NUDCD3: variants seen among roughly 807,000 people sequenced by gnomAD.
NUDCD3 encodes NudC domain containing 3.
NUDCD3 carries 13 observed loss-of-function variants against 39.7 expected under a neutral mutation model. That is an observed-to-expected ratio of 0.33 (90% CI 0.21 to 0.52). The LOEUF (loss-of-function observed/expected upper bound fraction) is 0.52, where lower values mean the gene tolerates loss of function less well. NUDCD3 is among the 20% of genes least tolerant of loss of function. The probability of loss-of-function intolerance (pLI) is 0.96; values close to 1 mark genes in which losing one functional copy is unlikely to be tolerated. For missense variants in NUDCD3, 453 were observed against 458.1 expected, an observed-to-expected ratio of 0.99 and a Z score of 0.10; for synonymous variants, 175 against 172.4, an observed-to-expected ratio of 1.02 and a Z score of -0.12.
chr7:44,462,945 C>CCG (rs1281595378), intron 2 of NUDCD3, among the ~76,000 whole-genome samples: 1 of 146,684 alleles, frequency 6.8e-6, no homozygotes, highest in South Asian at 2.2e-4. Flanking sequence ...CACAACCAGG[C>CCG]TGTGTGTGTG....
In NUDCD3 at chr7:44,385,687, A is replaced by G; in HGVS notation, c.*324T>C. On this transcript the variant is annotated 3_prime_UTR_variant, in exon 6 of 6. Transcript: ENST00000355451. Reference sequence around the variant, plus strand: ...AACAACAGCAAGCAGAGAGCAGGGGAGGAAAGACATGCTGCCTGCAGTGGC... The same window carrying G: ...AACAACAGCAAGCAGAGAGCAGGGGGGGAAAGACATGCTGCCTGCAGTGGC... 1 of 341,378 alleles carries G rather than the reference A, an allele frequency of 2.9e-6. No individual in the cohort carries two copies. The highest frequency in any genetic ancestry group is 5.4e-6 in the Non-Finnish European group (1 of 185,868). The allele number at this position is 341,378 out of a possible 1,614,324, so 21.1% of individuals were successfully genotyped here.
chr7:44,397,055 C>T (rs1379528875), intron 4 of NUDCD3, among the ~76,000 whole-genome samples: 1 of 152,180 alleles, frequency 6.6e-6, no homozygotes, highest in Non-Finnish European at 1.5e-5. Context: ...CCATGAGCTA[C>T]TGCTACAATC....
At chr7:44,427,328 C>T (rs1273668794) in intron 3 of NUDCD3, among the ~76,000 whole-genome samples, 1 of 152,172 alleles carries the variant, frequency 6.6e-6, no homozygotes, top group Non-Finnish European at 1.5e-5. Flanking sequence ...TCTCAGGAAG[C>T]AGTGTGAACA....
chr7:44,431,259 G>A (rs1477044632), intron 2 of NUDCD3, among the ~76,000 whole-genome samples: 1 of 152,148 alleles, frequency 6.6e-6, no homozygotes, highest in Non-Finnish European at 1.5e-5. Context: ...GGTGGGAGTA[G>A]GAAAGTGAGT....
At chr7:44,450,312 G>A (rs939470452) in intron 2 of NUDCD3, among the ~76,000 whole-genome samples, 1 of 151,910 alleles carries the variant, frequency 6.6e-6, no homozygotes, top group African/African-American at 2.4e-5. Context: ...CCAGTAGCAG[G>A]CTCATAGGCA....
At chr7:44,479,129 G>A (rs1338496413) in intron 2 of NUDCD3, among the ~76,000 whole-genome samples, 1 of 152,062 alleles carries the variant, frequency 6.6e-6, no homozygotes, top group African/African-American at 2.4e-5. Context: ...GGATATAACT[G>A]CCCCCATGAT....
intron 2 of NUDCD3, chr7:44,467,817 TA>T (rs762134645): frequency 0.25 from 198,030 of 792,918 alleles, 2,084 homozygotes; most frequent in Non-Finnish European, 0.27. Flanking sequence ...AAGACCTCAG[TA>T]AAAAAAAAAA....
At chr7:44,393,079 G>C (rs1168431021) in intron 4 of NUDCD3, among the ~76,000 whole-genome samples, 1 of 152,012 alleles carries the variant, frequency 6.6e-6, no homozygotes, top group Admixed American at 6.5e-5. Context: ...CCCATGACAG[G>C]GCACCATGCC....
intron 4 of NUDCD3, among the ~76,000 whole-genome samples, chr7:44,401,766 A>C (rs1798731518): frequency 6.6e-6 from 1 of 152,146 alleles, no homozygotes. Flanking sequence ...GTTTCATGAA[A>C]GCTAACTAAA....
chr7:44,397,890 T>C (rs1471422217), intron 4 of NUDCD3, among the ~76,000 whole-genome samples: 1 of 152,046 alleles, frequency 6.6e-6, no homozygotes, highest in African/African-American at 2.4e-5. Context: ...ATCTTGGGGG[T>C]CCTGTCCTCT....
chr7:44,388,018 A>G (rs1425935126), intron 5 of NUDCD3, among the ~76,000 whole-genome samples: 1 of 152,220 alleles, frequency 6.6e-6, no homozygotes, highest in Non-Finnish European at 1.5e-5. Context: ...TAAAAAATTA[A>G]ATTAGGGAAA....
chr7:44,430,554 C>CCACACACACA (rs748912083), intron 2 of NUDCD3, among the ~76,000 whole-genome samples: 381 of 140,852 alleles, frequency 2.7e-3, no homozygotes, highest in African/African-American at 5.1e-3. Context: ...AATAAAATAC[C>CCACACACACA]CACACACACA....
At position 44,490,620 on chromosome 7, in the gene NUDCD3, A is replaced by T; in HGVS notation, c.-20T>A. On this transcript the variant is annotated 5_prime_UTR_variant, in exon 1 of 6. Coordinates refer to ENST00000355451, the MANE Select transcript of NUDCD3 (RefSeq NM_015332.4). ...CTCCATGTCGCCTCCCGCCCTAGGT[A>T]CGCTTCACACACACAGCGCCGCCTC... is the stretch of plus-strand genomic sequence containing the variant. 3.1e-6 allele frequency: 5 copies of T among 1,587,652 alleles called. No individual in the cohort carries two copies. Among genetic ancestry groups the T allele is most frequent in the Non-Finnish European group, 4.3e-6 (5 of 1,167,626 alleles).
At chr7:44,477,822 CTT>C (rs938640330) in intron 2 of NUDCD3, among the ~76,000 whole-genome samples, 65 of 94,136 alleles carry the variant, frequency 6.9e-4, no homozygotes, top group Middle Eastern at 6.2e-3. Context: ...ATGAACAATT[CTT>C]TTTTTTTTTT....
chr7:44,468,368 AAAG>A (rs1585100143), intron 2 of NUDCD3: 2 of 1,273,760 alleles, frequency 1.6e-6, no homozygotes, highest in Non-Finnish European at 2.2e-6. Context: ...AAAAAAAAAA[AAAG>A]AAAAGAAAAC....
chr7:44,483,153 C>T (rs1472844003), intron 2 of NUDCD3, among the ~76,000 whole-genome samples: 1 of 151,970 alleles, frequency 6.6e-6, no homozygotes, highest in Non-Finnish European at 1.5e-5. Flanking sequence ...ATGAGTAAAT[C>T]TTAATCAAAT....
chr7:44,436,796 T>C (rs953509067), intron 2 of NUDCD3, among the ~76,000 whole-genome samples: 8 of 152,226 alleles, frequency 5.3e-5, no homozygotes, highest in East Asian at 3.8e-4. Context: ...TCTTTATATA[T>C]GTGGATAAGA....
At chr7:44,404,644 G>A (rs1443460131) in intron 3 of NUDCD3, 61 bp from the exon 4 acceptor site, 9 of 1,560,980 alleles carry the variant, frequency 5.8e-6, no homozygotes, top group Non-Finnish European at 5.2e-6. Flanking sequence ...TGTGCTGTAC[G>A]GTGGGAGTGG....
chr7:44,468,661 C>G (rs1184016373), intron 2 of NUDCD3, among the ~76,000 whole-genome samples: 1 of 152,202 alleles, frequency 6.6e-6, no homozygotes, highest in Non-Finnish European at 1.5e-5. Context: ...CACCAACTAA[C>G]ACAGCAGGCC....
Sources: gnomAD v4.1 joint callset for allele counts (sites outside exome capture counted in the v4.1 genomes callset) on GRCh38, gnomAD v4.1.1 for gene constraint, MANE v1.5 for transcripts, NCBI Gene and HGNC (gene_info 2026-07-23, HGNC 2026-07-21) for gene names.